The following CIMAP2 variants were observed in gnomAD, a reference collection of about 807,000 sequenced individuals.
The protein encoded by CIMAP2 is ciliary microtubule associated protein 2.
At chr1:54,811,765 G>GCCGGGGGGGGGGGGCGGCCCC in the CIMAP2 span, 1 of 1,301,332 alleles carries the variant, frequency 7.7e-7, no homozygotes, top group African/African-American at 1.5e-5. Context: ...GGTTCTGACA[G>GCCGGGGGGGGGGGGCGGCCCC]CCTCCATGCC....
chr1:54,836,407 T>C, the CIMAP2 span, among the ~76,000 whole-genome samples: 2,565 of 151,690 alleles, frequency 0.017, 99 homozygotes, highest in African/African-American at 0.059. Flanking sequence ...AGCATATTTC[T>C]GGCTGATGGG....
the CIMAP2 span, among the ~76,000 whole-genome samples, chr1:54,821,803 G>A: frequency 6.7e-6 from 1 of 148,498 alleles, no homozygotes; most frequent in Non-Finnish European, 1.5e-5. Flanking sequence ...GAGTCTTTAG[G>A]TTTTTATCTA....
chr1:54,810,559 TC>T, the CIMAP2 span, among the ~76,000 whole-genome samples: 1 of 152,016 alleles, frequency 6.6e-6, no homozygotes, highest in Non-Finnish European at 1.5e-5. Context: ...CACGCAGAGG[TC>T]CCTGCCCTTC....
At chr1:54,817,975 A>T in the CIMAP2 span, among the ~76,000 whole-genome samples, 1 of 152,094 alleles carries the variant, frequency 6.6e-6, no homozygotes, top group South Asian at 2.1e-4. Context: ...TGCACATCTG[A>T]TCAATAGTTT....
At chr1:54,833,488 C>A in the CIMAP2 span, among the ~76,000 whole-genome samples, 2 of 152,192 alleles carry the variant, frequency 1.3e-5, no homozygotes, top group Admixed American at 1.3e-4. Flanking sequence ...ATCTTTCTCA[C>A]CCCTCATCCC....
chr1:54,816,315 C>T, the CIMAP2 span, among the ~76,000 whole-genome samples: 1 of 152,216 alleles, frequency 6.6e-6, no homozygotes, highest in African/African-American at 2.4e-5. Flanking sequence ...CAGCCCACCC[C>T]TCAGGACTGC....
At chr1:54,813,991 T>C in the CIMAP2 span, 1 of 1,569,120 alleles carries the variant, frequency 6.4e-7, no homozygotes, top group Non-Finnish European at 8.6e-7. Context: ...TTCACTCCTA[T>C]GGCCGGCCTT....
chr1:54,841,654 A>G, the CIMAP2 span: 3 of 1,613,206 alleles, frequency 1.9e-6, no homozygotes, highest in Non-Finnish European at 1.7e-6. Context: ...GAAGTCATCA[A>G]TTTTGGCCTC....
At chr1:54,831,861 A>G in the CIMAP2 span, among the ~76,000 whole-genome samples, 1 of 152,106 alleles carries the variant, frequency 6.6e-6, no homozygotes, top group Non-Finnish European at 1.5e-5. Context: ...ATAACCATGA[A>G]CTTTTTTTTT....
the CIMAP2 span, among the ~76,000 whole-genome samples, chr1:54,810,895 A>G: frequency 6.6e-6 from 1 of 152,102 alleles, no homozygotes; most frequent in Non-Finnish European, 1.5e-5. Context: ...GTGAGCCTCC[A>G]CTACTGCTCG....
At chr1:54,807,469 T>C in the CIMAP2 span, 19 of 1,451,184 alleles carry the variant, frequency 1.3e-5, no homozygotes, top group South Asian at 2.8e-4. Context: ...GAGGGCCTGC[T>C]CTGTGGGTAG....
chr1:54,810,196 C>G, the CIMAP2 span, among the ~76,000 whole-genome samples: 1 of 152,204 alleles, frequency 6.6e-6, no homozygotes, highest in African/African-American at 2.4e-5. Context: ...ACTGCCAACC[C>G]ACCCCGGTGC....
chr1:54,809,013 C>T, the CIMAP2 span, among the ~76,000 whole-genome samples: 5 of 8,220 alleles, frequency 6.1e-4, no homozygotes, highest in East Asian at 0.025. Context: ...CCCCTGAGGG[C>T]GGACCACGTC....
At chr1:54,807,654 C>G in the CIMAP2 span, 16 of 1,609,160 alleles carry the variant, frequency 9.9e-6, no homozygotes, top group Non-Finnish European at 1.4e-5. Context: ...TACCCCACTT[C>G]CAGTACCAGG....
the CIMAP2 span, chr1:54,811,773 GCCCCCACC>G: frequency 7.5e-7 from 1 of 1,325,016 alleles, no homozygotes; most frequent in Non-Finnish European, 1.0e-6. Context: ...CAGCCTCCAT[GCCCCCACC>G]CCCGCCCCAC....
chr1:54,837,638 T>G, the CIMAP2 span, among the ~76,000 whole-genome samples: 1 of 152,108 alleles, frequency 6.6e-6, no homozygotes, highest in African/African-American at 2.4e-5. Flanking sequence ...GCCCACTGGT[T>G]GGGGAGTAGT....
chr1:54,819,933 T>C, the CIMAP2 span, among the ~76,000 whole-genome samples: 2 of 118,112 alleles, frequency 1.7e-5, no homozygotes, highest in Admixed American at 1.7e-4. Context: ...CCCCCATATT[T>C]CTTTTCTTTC....
chr1:54,838,785 C>T, the CIMAP2 span, among the ~76,000 whole-genome samples: 78 of 152,220 alleles, frequency 5.1e-4, 1 homozygote, highest in African/African-American at 1.8e-3. Flanking sequence ...GTAGCCCAGG[C>T]TTGCTCCTAT....
At chr1:54,835,892 G>T in the CIMAP2 span, among the ~76,000 whole-genome samples, 4 of 152,102 alleles carry the variant, frequency 2.6e-5, no homozygotes, top group Admixed American at 1.3e-4. Flanking sequence ...GATGAGAGCA[G>T]AAGGGAAGGC....
Sources: allele counts gnomAD v4.1 joint callset (sites outside exome capture counted in the v4.1 genomes callset), GRCh38; gene constraint gnomAD v4.1.1; transcripts MANE v1.5; gene names NCBI Gene and HGNC (gene_info 2026-07-23, HGNC 2026-07-21).